ABTB3: variants seen among roughly 807,000 people sequenced by gnomAD.
ABTB3 encodes ankyrin repeat- and BTB/POZ domain-containing protein 3.
chr12:107,533,863 C>G, the ABTB3 span, among the ~76,000 whole-genome samples: 1 of 152,140 alleles, frequency 6.6e-6, no homozygotes, highest in Non-Finnish European at 1.5e-5. Context: ...CCAGTTTAGA[C>G]CATATGTTAG....
the ABTB3 span, among the ~76,000 whole-genome samples, chr12:107,602,417 T>C: frequency 1.3e-5 from 2 of 152,374 alleles, no homozygotes; most frequent in East Asian, 1.9e-4. Context: ...GTCTGCACTT[T>C]GCTTTGTAAT....
At chr12:107,470,149 A>G in the ABTB3 span, among the ~76,000 whole-genome samples, 1 of 150,940 alleles carries the variant, frequency 6.6e-6, no homozygotes, top group Non-Finnish European at 1.5e-5. Flanking sequence ...AGTGATTCTC[A>G]TGCCTCAGCC....
the ABTB3 span, among the ~76,000 whole-genome samples, chr12:107,346,553 G>A: frequency 1.8e-4 from 27 of 152,046 alleles, no homozygotes; most frequent in East Asian, 2.9e-3. Context: ...TCTGCCTCCC[G>A]GGTTCAAGCA....
the ABTB3 span, among the ~76,000 whole-genome samples, chr12:107,347,499 A>G: frequency 6.6e-6 from 1 of 152,096 alleles, no homozygotes; most frequent in Non-Finnish European, 1.5e-5. Flanking sequence ...CTTCTTACTC[A>G]TACACTTGGT....
At chr12:107,392,527 C>G in the ABTB3 span, among the ~76,000 whole-genome samples, 2 of 152,132 alleles carry the variant, frequency 1.3e-5, no homozygotes, top group South Asian at 2.1e-4. Context: ...TTCTCATTCC[C>G]GAGCCTTTGT....
the ABTB3 span, among the ~76,000 whole-genome samples, chr12:107,533,220 T>C: frequency 2.0e-5 from 3 of 152,030 alleles, no homozygotes; most frequent in South Asian, 2.1e-4. Flanking sequence ...ATATACAATA[T>C]ACAAAACAAT....
chr12:107,520,560 C>T, the ABTB3 span: 1 of 1,614,214 alleles, frequency 6.2e-7, no homozygotes, highest in East Asian at 2.2e-5. Context: ...GGGAACTGCC[C>T]ATGTTCAGCC....
At chr12:107,567,040 C>G in the ABTB3 span, among the ~76,000 whole-genome samples, 1 of 152,146 alleles carries the variant, frequency 6.6e-6, no homozygotes, top group South Asian at 2.1e-4. Flanking sequence ...TCATCTGAGC[C>G]CAGGAGTTCA....
the ABTB3 span, among the ~76,000 whole-genome samples, chr12:107,545,174 G>A: frequency 6.6e-6 from 1 of 152,174 alleles, no homozygotes; most frequent in Non-Finnish European, 1.5e-5. Context: ...ATGTCTCTTG[G>A]CTTTCAGTTA....
At chr12:107,609,975 G>T in the ABTB3 span, 8,408 of 584,874 alleles carry the variant, frequency 0.014, 91 homozygotes, top group Non-Finnish European at 0.021. Context: ...AGCTCAGTAT[G>T]CTATGGGAGC....
At chr12:107,635,525 G>A in the ABTB3 span, 3 of 635,900 alleles carry the variant, frequency 4.7e-6, no homozygotes, top group South Asian at 2.4e-5. Context: ...CAGGCCGGGG[G>A]AGATCAGAAT....
the ABTB3 span, among the ~76,000 whole-genome samples, chr12:107,406,907 C>A: frequency 2.6e-5 from 4 of 152,222 alleles, no homozygotes; most frequent in African/African-American, 9.6e-5. Flanking sequence ...CTGTGTTCCT[C>A]TAGGTGTCCC....
the ABTB3 span, among the ~76,000 whole-genome samples, chr12:107,427,667 G>T: frequency 6.6e-6 from 1 of 152,122 alleles, no homozygotes; most frequent in South Asian, 2.1e-4. Flanking sequence ...GCCATGTAAG[G>T]TGACACGAGT....
At chr12:107,537,036 A>T in the ABTB3 span, among the ~76,000 whole-genome samples, 1 of 152,228 alleles carries the variant, frequency 6.6e-6, no homozygotes, top group Non-Finnish European at 1.5e-5. Context: ...ACAATGGAAT[A>T]CCACTCAGCC....
At chr12:107,604,402 G>A in the ABTB3 span, among the ~76,000 whole-genome samples, 188 of 151,310 alleles carry the variant, frequency 1.2e-3, no homozygotes, top group Non-Finnish European at 2.1e-3. Context: ...AGCTGAGATC[G>A]CACCACTGCA....
chr12:107,519,191 C>T, the ABTB3 span, among the ~76,000 whole-genome samples: 1 of 152,176 alleles, frequency 6.6e-6, no homozygotes. Context: ...AAGCTGCAGG[C>T]CGGTTCTGGA....
chr12:107,340,487 C>A, the ABTB3 span, among the ~76,000 whole-genome samples: 535 of 152,294 alleles, frequency 3.5e-3, 1 homozygote, highest in Non-Finnish European at 6.3e-3. Context: ...TCTCTTCCCC[C>A]TTCCCTGTGG....
the ABTB3 span, among the ~76,000 whole-genome samples, chr12:107,369,712 T>G: frequency 0.21 from 26,179 of 125,600 alleles, 3,846 homozygotes; most frequent in South Asian, 0.35. Flanking sequence ...ACATGGTTTT[T>G]TTTTTTTTTT....
At chr12:107,604,075 A>C in the ABTB3 span, among the ~76,000 whole-genome samples, 68 of 152,112 alleles carry the variant, frequency 4.5e-4, no homozygotes, top group Non-Finnish European at 1.3e-4. Flanking sequence ...AGGCTGAGGC[A>C]GGAGAATGGC....
Sources: gnomAD v4.1 joint callset for allele counts (sites outside exome capture counted in the v4.1 genomes callset) on GRCh38, gnomAD v4.1.1 for gene constraint, MANE v1.5 for transcripts, NCBI Gene and HGNC (gene_info 2026-07-23, HGNC 2026-07-21) for gene names.